PDE4B: variants seen among roughly 807,000 people sequenced by gnomAD.
The protein encoded by PDE4B is phosphodiesterase 4B, also known as 3',5'-cyclic-AMP phosphodiesterase 4B.
In PDE4B, 20 loss-of-function variants were observed where a neutral mutation model predicts 82.2. The ratio of observed to expected loss-of-function variants is 0.24; its 90% CI spans 0.17 to 0.35. PDE4B has a LOEUF of 0.35. PDE4B is among the 10% of genes least tolerant of loss of function. The probability of loss-of-function intolerance (pLI) is 1.00; values close to 1 mark genes in which losing one functional copy is unlikely to be tolerated. For synonymous variants in PDE4B, 320 were observed against 318.9 expected (o/e 1.00, Z -0.04); for missense variants, 655 against 907.2 (o/e 0.72, Z 3.57).
chr1:65,870,805 A>G (rs559513672), intron 1 of PDE4B, among the ~76,000 whole-genome samples: 96 of 152,264 alleles, frequency 6.3e-4, no homozygotes, highest in Admixed American at 3.1e-3. Context: ...GCTAAGCAGG[A>G]TAGAGTATCA....
chr1:66,196,978 A>G (rs977695535), intron 3 of PDE4B, among the ~76,000 whole-genome samples: 1 of 152,192 alleles, frequency 6.6e-6, no homozygotes, highest in Admixed American at 6.5e-5. Context: ...AAAATAACAA[A>G]AAAGAAACAT....
intron 3 of PDE4B, among the ~76,000 whole-genome samples, chr1:65,933,623 A>G (rs536832239): frequency 3.4e-4 from 52 of 152,174 alleles, no homozygotes; most frequent in Middle Eastern, 3.4e-3. Context: ...AGCCGAGATC[A>G]TCGTGCCATT....
At chr1:66,331,845 A>C in intron 7 of PDE4B, 4 of 985,348 alleles carry the variant, frequency 4.1e-6, no homozygotes, top group Non-Finnish European at 3.6e-6. Flanking sequence ...TATCAGGGAG[A>C]CCTCATTTTC....
chr1:66,113,812 A>G (rs1456369165), intron 3 of PDE4B, among the ~76,000 whole-genome samples: 1 of 152,224 alleles, frequency 6.6e-6, no homozygotes, highest in African/African-American at 2.4e-5. Context: ...AAGACGTCAT[A>G]AATTATGTAT....
intron 1 of PDE4B, among the ~76,000 whole-genome samples, chr1:65,809,946 T>G (rs1645801013): frequency 6.6e-6 from 1 of 152,270 alleles, no homozygotes; most frequent in Admixed American, 6.5e-5. Flanking sequence ...TTTTTGGTGC[T>G]CTTAAAATGC....
At chr1:66,136,709 A>G (rs1646064063) in intron 3 of PDE4B, among the ~76,000 whole-genome samples, 1 of 151,402 alleles carries the variant, frequency 6.6e-6, no homozygotes, top group Admixed American at 6.6e-5. Flanking sequence ...AAAAAAAAAA[A>G]AAAAAAAAAA....
In PDE4B at chr1:66,153,890, G is replaced by A. The variant is rs544264680; in HGVS notation, c.282-93570G>A. Among the ~76,000 whole-genome samples, 14 of 152,248 alleles carry A rather than the reference G, an allele frequency of 9.2e-5. No homozygotes were observed. The East Asian group carries it at 2.1e-3, about 23-fold the overall frequency. On this transcript the variant is annotated intron_variant, in intron 3 of 16. Coordinates refer to ENST00000341517, the MANE Select transcript of PDE4B (RefSeq NM_002600.4). Reference sequence around the variant, plus strand: ...GATGTGACCTGAGGGGCATCAAGGAGGTTCGCTGATCCAAAAATATCTCTG... The same window carrying A: ...GATGTGACCTGAGGGGCATCAAGGAAGTTCGCTGATCCAAAAATATCTCTG...
chr1:66,369,581 C>G (rs538044910), intron 16 of PDE4B, among the ~76,000 whole-genome samples: 1 of 152,264 alleles, frequency 6.6e-6, no homozygotes, highest in Admixed American at 6.5e-5. Flanking sequence ...CCAATAGCTG[C>G]AGAATATGCA....
At chr1:66,186,361 A>G (rs1479148257) in intron 3 of PDE4B, among the ~76,000 whole-genome samples, 1 of 152,124 alleles carries the variant, frequency 6.6e-6, no homozygotes, top group African/African-American at 2.4e-5. Flanking sequence ...GTTTTTTCCA[A>G]TTCAGTGAAG....
At chr1:66,142,861 T>C (rs1646200023) in intron 3 of PDE4B, among the ~76,000 whole-genome samples, 1 of 152,216 alleles carries the variant, frequency 6.6e-6, no homozygotes, top group Non-Finnish European at 1.5e-5. Context: ...GTTGAAGGTT[T>C]CCTTCAATAC....
chr1:66,101,533 G>T (rs1476215944), intron 3 of PDE4B, among the ~76,000 whole-genome samples: 1 of 152,162 alleles, frequency 6.6e-6, no homozygotes, highest in Non-Finnish European at 1.5e-5. Context: ...TCTAACTGGT[G>T]TGAAATGGTA....
intron 1 of PDE4B, among the ~76,000 whole-genome samples, chr1:65,795,450 T>G (rs1175472990): frequency 1.3e-5 from 2 of 152,224 alleles, no homozygotes. Context: ...CACTGGCTAT[T>G]GTAGCCACCA....
intron 3 of PDE4B, among the ~76,000 whole-genome samples, chr1:66,018,821 G>T (rs1652924663): frequency 6.6e-6 from 1 of 152,224 alleles, no homozygotes; most frequent in East Asian, 1.9e-4. Context: ...TCTAAAGAAT[G>T]TGTTAAGGCA....
intron 3 of PDE4B, among the ~76,000 whole-genome samples, chr1:66,110,924 G>C (rs1271208618): frequency 1.3e-5 from 2 of 151,906 alleles, no homozygotes; most frequent in Admixed American, 1.3e-4. Context: ...CTTTGGAAAA[G>C]CAGAATTGGA....
At chr1:66,067,722 A>AT (rs1161650699) in intron 3 of PDE4B, among the ~76,000 whole-genome samples, 1 of 151,748 alleles carries the variant, frequency 6.6e-6, no homozygotes, top group Non-Finnish European at 1.5e-5. Context: ...TTTGGCTTTT[A>AT]TTGCCATTGC....
chr1:66,254,795 C>G (rs1654063710), intron 4 of PDE4B, among the ~76,000 whole-genome samples: 1 of 152,202 alleles, frequency 6.6e-6, no homozygotes, highest in South Asian at 2.1e-4. Context: ...CCTCTGGGCT[C>G]TCTTCAAGTT....
intron 3 of PDE4B, among the ~76,000 whole-genome samples, chr1:66,200,934 G>A (rs1355864769): frequency 1.3e-5 from 2 of 152,166 alleles, no homozygotes; most frequent in African/African-American, 4.8e-5. Context: ...AGTTTTCAAA[G>A]GGAATGCTTC....
intron 3 of PDE4B, among the ~76,000 whole-genome samples, chr1:66,152,812 A>G (rs1322790489): frequency 6.6e-6 from 1 of 152,006 alleles, no homozygotes; most frequent in Non-Finnish European, 1.5e-5. Context: ...TTAGGCTAGC[A>G]GACTGGAAAC....
chr1:66,030,387 C>G (rs1452381557), intron 3 of PDE4B, among the ~76,000 whole-genome samples: 1 of 152,094 alleles, frequency 6.6e-6, no homozygotes, highest in Non-Finnish European at 1.5e-5. Context: ...GGGAGAAGCC[C>G]CTCCTCCTTG....
Sources: allele counts gnomAD v4.1 joint callset (sites outside exome capture counted in the v4.1 genomes callset), GRCh38; gene constraint gnomAD v4.1.1; transcripts MANE v1.5; gene names NCBI Gene and HGNC (gene_info 2026-07-23, HGNC 2026-07-21).